The following RHOBTB2 variants were observed in gnomAD, a reference collection of about 807,000 sequenced individuals.
RHOBTB2 encodes the protein Rho related BTB domain containing 2, also known as rho-related BTB domain-containing protein 2.
Under a neutral mutation model 66.5 loss-of-function variants are expected in RHOBTB2, and 39 were observed. The observed-to-expected ratio is 0.59, with a 90% CI of 0.45 to 0.77. RHOBTB2 has a LOEUF of 0.77. Among genes scored for constraint, RHOBTB2 ranks in the 30% least tolerant of loss-of-function variants. RHOBTB2 has a pLI of 0.00. For missense variants in RHOBTB2, 755 were observed against 999.1 expected, an observed-to-expected ratio of 0.76 and a Z score of 3.29; for synonymous variants, 390 against 395.0, an observed-to-expected ratio of 0.99 and a Z score of 0.15.
At chr8:22,962,195 A>AAAAAAAAAAAAAAAAAAAG in the RHOBTB2 span, among the ~76,000 whole-genome samples, 1 of 142,924 alleles carries the variant, frequency 7.0e-6, no homozygotes, top group Non-Finnish European at 1.5e-5. Flanking sequence ...AAAAAAAAAA[A>AAAAAAAAAAAAAAAAAAAG]AAAAAAAAAA....
the RHOBTB2 span, among the ~76,000 whole-genome samples, chr8:22,952,307 T>C: frequency 6.6e-6 from 1 of 152,060 alleles, no homozygotes; most frequent in Non-Finnish European, 1.5e-5. Flanking sequence ...AAGTGAGTCA[T>C]GCAGACCCCC....
chr8:22,990,915 C>A (rs1340908437), intron 1 of RHOBTB2, among the ~76,000 whole-genome samples: 2 of 152,102 alleles, frequency 1.3e-5, no homozygotes, highest in Non-Finnish European at 2.9e-5. Flanking sequence ...TTGCCTGCCT[C>A]CCCCGACCTC....
the RHOBTB2 span, among the ~76,000 whole-genome samples, chr8:22,968,536 A>C: frequency 1.3e-5 from 2 of 152,170 alleles, no homozygotes; most frequent in African/African-American, 4.8e-5. Flanking sequence ...GGAAGAGTCA[A>C]TGTGGCAGAA....
the RHOBTB2 span, among the ~76,000 whole-genome samples, chr8:22,971,351 T>G: frequency 4.3e-5 from 2 of 46,062 alleles, no homozygotes; most frequent in African/African-American, 3.7e-4. Context: ...CGCCCATCTA[T>G]TTTTTTTTTT....
rs193241213 is a variant in RHOBTB2, at chr8:23,005,404, T to A, written c.225T>A (p.Asp75Glu). ...AACGCTCCCGAGACGTGGTAGATGA[T>A]GTCAGCGTCTCTCTGCGCCTCTGGG... ...VLERSRDVVD[D>E]VSVSLRLWDT... is the part of the protein sequence containing the mutation. Residue 75 changes from aspartate to glutamate, a missense_variant, in exon 3 of 10, where the codon GAT (aspartate) becomes GAA (glutamate). This residue lies in a region of RHOBTB2 where 65 missense variants were observed against 152.4 expected (regional missense o/e 0.43). Coordinates refer to ENST00000251822, the MANE Select transcript of RHOBTB2 (RefSeq NM_015178.3). 1.2e-6 allele frequency: 2 copies of A among 1,613,956 alleles called. No individual in the cohort carries two copies. Among genetic ancestry groups the A allele is most frequent in the East Asian group, 4.5e-5 (2 of 44,880 alleles).
Position 23,017,227 on chromosome 8 carries a change from C to G in RHOBTB2, c.1967-25C>G, listed in dbSNP as rs761394259. The G allele has an allele frequency of 9.9e-6, 16 of 1,612,948 alleles. No homozygotes were observed. Among genetic ancestry groups the G allele is most frequent in the African/African-American group, 1.3e-5 (1 of 75,020 alleles). ...TCTTGTCCCTCTGCCTCCTTTCTAA[C>G]CAAGCTGCCTGCTCTCTGCTCCAGA... On this transcript the variant is annotated intron_variant, in intron 9 of 9. Transcript: ENST00000251822. The surrounding 1 kb of genome is among the most constrained non-coding windows in gnomAD (Gnocchi z 5.3).
chr8:22,996,897 G>A (rs1240972808), upstream of RHOBTB2, among the ~76,000 whole-genome samples: 3 of 152,138 alleles, frequency 2.0e-5, no homozygotes, highest in African/African-American at 4.8e-5. Context: ...ATGAAGGGAC[G>A]TGCCAGATCC....
upstream of RHOBTB2, chr8:22,998,952 G>A (rs1399470174): frequency 6.6e-6 from 1 of 152,214 alleles, no homozygotes; most frequent in Admixed American, 6.5e-5. Flanking sequence ...AACTCCAGGA[G>A]GCAACAGGAG....
At chr8:22,974,764 G>C in the RHOBTB2 span, among the ~76,000 whole-genome samples, 1 of 152,092 alleles carries the variant, frequency 6.6e-6, no homozygotes, top group Non-Finnish European at 1.5e-5. Context: ...GGAGAGAAAG[G>C]GCTGCTGGGA....
chr8:22,984,495 T>A (rs929141217), upstream of RHOBTB2: 1 of 152,248 alleles, frequency 6.6e-6, no homozygotes, highest in Non-Finnish European at 1.5e-5. Context: ...TGTTGGTGAC[T>A]ATAGCAGAAG....
At position 23,007,143 on chromosome 8, in the gene RHOBTB2, C is replaced by T; in HGVS notation, c.898C>T (p.Leu300=). The T allele has an allele frequency of 6.2e-7, 1 of 1,608,124 alleles. No homozygotes were observed. The highest frequency in any genetic ancestry group is 8.5e-7 in the Non-Finnish European group (1 of 1,179,762). Residue 300 remains leucine, a synonymous_variant, in exon 5 of 10, where the codon CTG becomes TTG. Coordinates refer to ENST00000251822, the MANE Select transcript of RHOBTB2 (RefSeq NM_015178.3). ...SKFYDLFLMD[L]SEGELGGPSE... ...GTTCTATGACCTGTTCCTCATGGAC[C>T]TGAGTGAGGGGGAGCTGGGGGGCCC...
At chr8:22,957,761 C>A in the RHOBTB2 span, among the ~76,000 whole-genome samples, 1 of 152,154 alleles carries the variant, frequency 6.6e-6, no homozygotes, top group Admixed American at 6.5e-5. Flanking sequence ...TGTAAGAGTA[C>A]GTTCATTTAC....
chr8:23,002,008 A>G (rs1156884839), intron 1 of RHOBTB2, among the ~76,000 whole-genome samples: 2 of 152,184 alleles, frequency 1.3e-5, no homozygotes, highest in East Asian at 3.8e-4. Flanking sequence ...AAGTAGCTGA[A>G]CTTGGCCCAG....
the RHOBTB2 span, among the ~76,000 whole-genome samples, chr8:22,953,457 C>A: frequency 3.3e-5 from 5 of 152,326 alleles, no homozygotes; most frequent in Middle Eastern, 3.4e-3. Flanking sequence ...CTCTCCTGCC[C>A]TGCTCATATC....
At chr8:22,997,845 T>C (rs976373403), upstream of RHOBTB2, among the ~76,000 whole-genome samples, 3 of 152,188 alleles carry the variant, frequency 2.0e-5, no homozygotes, top group Non-Finnish European at 4.4e-5. Context: ...TCTCAAGTTA[T>C]GATTTTCTCT....
chr8:23,009,680 G>A (rs535383347), intron 6 of RHOBTB2, among the ~76,000 whole-genome samples: 16 of 152,336 alleles, frequency 1.1e-4, no homozygotes, highest in African/African-American at 2.9e-4. Context: ...ATCGCATCCC[G>A]TGATGTGGAA....
chr8:23,006,963 C>A lies in RHOBTB2; in HGVS notation c.718C>A (p.Pro240Thr). ...QAPFLPPKPP[P>T]PIIVVPDPPS... ...ACCCTTCCTACCCCCCAAGCCACCG[C>A]CCCCGATCATCGTGGTGCCCGACCC... is the stretch of plus-strand genomic sequence containing the variant. The change falls in exon 5 of 10, where the codon CCC becomes ACC. Residue 240 changes from proline (P) to threonine (T), a missense_variant. By Grantham distance (38) the Pro-to-Thr change is conservative (BLOSUM62 -1). Around this residue, in one of 7 missense-constraint regions of RHOBTB2, gnomAD observed 247 missense variants for 238.9 expected, o/e 1.03. Coordinates refer to ENST00000251822, the MANE Select transcript of RHOBTB2 (RefSeq NM_015178.3). This position sits in a 1 kb window ranked among gnomAD's most constrained non-coding sequence, Gnocchi z 6.1. The A allele has an allele frequency of 6.2e-7, 1 of 1,611,638 alleles. No homozygotes were observed.
chr8:23,015,537 G>A, intron 8 of RHOBTB2, 101 bp from the exon 9 acceptor site: 2 of 761,060 alleles, frequency 2.6e-6, no homozygotes, highest in Non-Finnish European at 4.4e-6. Flanking sequence ...GCCTCTGCGT[G>A]CCCTGCACCA....
the RHOBTB2 span, among the ~76,000 whole-genome samples, chr8:22,964,430 C>T: frequency 6.6e-6 from 1 of 152,172 alleles, no homozygotes; most frequent in African/African-American, 2.4e-5. Context: ...GAAAAATATA[C>T]AGCGACAATC....
Sources: allele counts gnomAD v4.1 joint callset (sites outside exome capture counted in the v4.1 genomes callset), GRCh38; gene constraint gnomAD v4.1.1; regional missense constraint gnomAD v4.1.1; non-coding constraint Gnocchi (gnomAD v3.1); transcripts MANE v1.5; gene names NCBI Gene and HGNC (gene_info 2026-07-23, HGNC 2026-07-21).